ATP11C: variants seen among roughly 807,000 people sequenced by gnomAD.
ATP11C encodes ATPase phospholipid transporting 11C (ATP11C blood group).
ATP11C carries 36 observed loss-of-function variants against 97.4 expected under a neutral mutation model. The observed-to-expected ratio is 0.37, with a 90% CI of 0.28 to 0.49. The LOEUF (loss-of-function observed/expected upper bound fraction) is 0.49, where lower values mean the gene tolerates loss of function less well. ATP11C is among the 20% of genes least tolerant of loss of function. The probability of loss-of-function intolerance (pLI) is 0.98; values close to 1 mark genes in which losing one functional copy is unlikely to be tolerated. For synonymous variants in ATP11C, 275 were observed against 290.9 expected, an observed-to-expected ratio of 0.95 and a Z score of 0.56; for missense variants, 730 against 824.6, an observed-to-expected ratio of 0.89 and a Z score of 1.40.
intron 28 of ATP11C, 153 bp downstream of exon 28, chrX:139,737,763 C>T (rs1192698626): frequency 1.6e-6 from 1 of 636,585 alleles, no homozygotes; most frequent in Non-Finnish European, 2.6e-6. Context: ...TTTTACTATA[C>T]TTTTTATGCA....
intron 15 of ATP11C, 77 bp from the exon 16 acceptor site, chrX:139,785,376 A>G: frequency 2.8e-6 from 2 of 725,128 alleles, no homozygotes; most frequent in Non-Finnish European, 2.1e-6. Flanking sequence ...ATGTTAAGAT[A>G]TTTAAACATC....
At chrX:139,858,888 C>T (rs1032074559) in intron 1 of ATP11C, among the ~76,000 whole-genome samples, 1 of 112,079 alleles carries the variant, frequency 8.9e-6, no homozygotes, top group African/African-American at 3.2e-5. Context: ...AACATATTCA[C>T]AGCATTGTGC....
intron 1 of ATP11C, chrX:139,924,091 A>G: frequency 2.6e-6 from 1 of 378,331 alleles, no homozygotes; most frequent in South Asian, 2.4e-5. Flanking sequence ...GAGCAAATGA[A>G]TGGGAGCAGT....
chrX:139,776,903 C>T (rs773883517), intron 18 of ATP11C, among the ~76,000 whole-genome samples: 15 of 111,867 alleles, frequency 1.3e-4, no homozygotes, highest in Non-Finnish European at 2.3e-4. Flanking sequence ...CTGAAGCTAT[C>T]CACAACCAAG....
At chrX:139,905,647 A>G (rs935241141) in intron 1 of ATP11C, among the ~76,000 whole-genome samples, 1 of 112,185 alleles carries the variant, frequency 8.9e-6, no homozygotes, top group African/African-American at 3.2e-5. Context: ...TTGGCTCATT[A>G]AACAAATGAG....
intron 1 of ATP11C, among the ~76,000 whole-genome samples, chrX:139,861,771 C>T (rs768443977): frequency 2.8e-5 from 2 of 71,855 alleles, no homozygotes; most frequent in African/African-American, 1.1e-4. Context: ...TCCTGTTATA[C>T]ACACACACAC....
chrX:139,926,069 C>T (rs187648466), intron 1 of ATP11C, among the ~76,000 whole-genome samples: 7 of 111,345 alleles, frequency 6.3e-5, no homozygotes, highest in African/African-American at 2.3e-4. Context: ...TGCAGTTGTG[C>T]CAGTATGTTT....
intron 16 of ATP11C, among the ~76,000 whole-genome samples, chrX:139,784,217 G>A (rs1028131408): frequency 8.9e-6 from 1 of 111,824 alleles, no homozygotes; most frequent in Non-Finnish European, 1.9e-5. Flanking sequence ...ACCATTTGCT[G>A]TAGAACATGT....
chrX:139,778,794 A>C (rs1472420435), intron 18 of ATP11C, among the ~76,000 whole-genome samples: 1 of 111,352 alleles, frequency 9.0e-6, no homozygotes, highest in Non-Finnish European at 1.9e-5. Flanking sequence ...GCGCCGCTGC[A>C]CTCTAGCCTG....
rs748782311 is a variant in ATP11C at position 139,871,810 on chromosome X, G to A, written c.28-44987C>T. The stretch of plus-strand genomic sequence containing the variant: ...CTCCCAAAGTGCTGGGATTACAGGC[G>A]TGAGCAACCTCACCCGACCTGTTTA... On this transcript the variant is annotated intron_variant, in intron 1 of 29. Coordinates refer to ENST00000682941, the MANE Select transcript of ATP11C (RefSeq NM_001353812.2). Among the ~76,000 whole-genome samples, 5 of 111,339 alleles carry A rather than the reference G, an allele frequency of 4.5e-5. 1 individual carries two copies. The South Asian group carries it at 1.9e-3, about 42-fold the overall frequency.
At chrX:139,866,104 G>A (rs927839210) in intron 1 of ATP11C, among the ~76,000 whole-genome samples, 4 of 110,558 alleles carry the variant, frequency 3.6e-5, no homozygotes, top group African/African-American at 1.3e-4. Flanking sequence ...GCAGCACTTT[G>A]GCAGGCTGAG....
rs546660281 is a variant in ATP11C at position 139,870,852 on chromosome X, C to A, written c.28-44029G>T. On this transcript the variant is annotated intron_variant, in intron 1 of 29. Coordinates refer to ENST00000682941, the MANE Select transcript of ATP11C (RefSeq NM_001353812.2). ...CGGGTGGATCATGAGGTCAGGAGATCGAGACCATCCTGGCTAACACGGTGA... is the reference window on the plus strand; with the variant it reads ...CGGGTGGATCATGAGGTCAGGAGATAGAGACCATCCTGGCTAACACGGTGA... 7.3e-5 allele frequency among the ~76,000 whole-genome samples: 8 copies of A among 110,173 alleles called. No homozygotes were observed. The South Asian group carries it at 3.1e-3, about 42-fold the overall frequency.
intron 5 of ATP11C, among the ~76,000 whole-genome samples, chrX:139,813,896 C>G (rs1021227350): frequency 2.7e-5 from 3 of 111,108 alleles, no homozygotes; most frequent in African/African-American, 9.8e-5. Context: ...ACAAAACCCA[C>G]AGAATGTACA....
intron 1 of ATP11C, among the ~76,000 whole-genome samples, chrX:139,830,226 T>C (rs2083616521): frequency 8.9e-6 from 1 of 111,915 alleles, no homozygotes; most frequent in Non-Finnish European, 1.9e-5. Flanking sequence ...TTTTATTTAA[T>C]ATTTAATTTT....
At chrX:139,883,894 G>A (rs1212048138) in intron 1 of ATP11C, among the ~76,000 whole-genome samples, 1 of 111,625 alleles carries the variant, frequency 9.0e-6, no homozygotes, top group African/African-American at 3.3e-5. Flanking sequence ...ACATCAGCTT[G>A]CTAAGAAAGG....
At chrX:139,873,364 T>C (rs1372243520) in intron 1 of ATP11C, among the ~76,000 whole-genome samples, 9 of 111,565 alleles carry the variant, frequency 8.1e-5, no homozygotes, top group Non-Finnish European at 1.7e-4. Flanking sequence ...GTTGTGATGG[T>C]TGCACAATAG....
chrX:139,744,659 T>C (rs1407739747), intron 25 of ATP11C, among the ~76,000 whole-genome samples: 1 of 111,779 alleles, frequency 8.9e-6, no homozygotes, highest in Non-Finnish European at 1.9e-5. Flanking sequence ...TAAAATCAAA[T>C]CCATTCTTCT....
chrX:139,785,939 G>C (rs1569454417), intron 15 of ATP11C, among the ~76,000 whole-genome samples: 1 of 111,231 alleles, frequency 9.0e-6, no homozygotes. Context: ...ACGGCAGCAT[G>C]AGAGCACATG....
intron 18 of ATP11C, among the ~76,000 whole-genome samples, chrX:139,781,842 G>C (rs1034744409): frequency 8.9e-6 from 1 of 112,006 alleles, no homozygotes; most frequent in African/African-American, 3.2e-5. Context: ...TTTCCTTTCA[G>C]CTCACCTATC....
Sources: gnomAD v4.1 joint callset for allele counts (sites outside exome capture counted in the v4.1 genomes callset) on GRCh38, gnomAD v4.1.1 for gene constraint, MANE v1.5 for transcripts, NCBI Gene and HGNC (gene_info 2026-07-23, HGNC 2026-07-21) for gene names.